ADARB2: variants seen among roughly 807,000 people sequenced by gnomAD.
The protein encoded by ADARB2 is inactive double-stranded RNA-specific editase B2.
ADARB2 carries 25 observed loss-of-function variants against 62.2 expected under a neutral mutation model. The ratio of observed to expected loss-of-function variants is 0.40; its 90% confidence interval spans 0.29 to 0.56. ADARB2 has a LOEUF of 0.56. ADARB2 is among the 20% of genes least tolerant of loss of function. ADARB2 has a pLI of 0.43. For missense variants in ADARB2, 1,071 were observed against 1,077.4 expected (o/e 0.99, Z 0.08); for synonymous variants, 572 against 500.8 (o/e 1.14, Z -1.90).
At chr10:1,292,487 GTA>G (rs1442565689) in intron 3 of ADARB2, 1 of 152,148 alleles carries the variant, frequency 6.6e-6, no homozygotes, top group Non-Finnish European at 1.5e-5. Context: ...TAGACACTCA[GTA>G]TATCTTTTCC....
intron 1 of ADARB2, among the ~76,000 whole-genome samples, chr10:1,633,179 G>T (rs1833864123): frequency 1.3e-5 from 2 of 152,112 alleles, no homozygotes; most frequent in African/African-American, 4.8e-5. Flanking sequence ...GAGCCCTTTG[G>T]GCTTGGACTG....
chr10:1,377,208 G>A (rs111217816), intron 2 of ADARB2, among the ~76,000 whole-genome samples: 33,325 of 120,960 alleles, frequency 0.28, 5,280 homozygotes, highest in Middle Eastern at 0.44. Flanking sequence ...GGGTGTGTGC[G>A]TTTGTGTGCG....
intron 4 of ADARB2, among the ~76,000 whole-genome samples, chr10:1,249,115 G>C (rs1158009628): frequency 1.3e-5 from 2 of 152,170 alleles, no homozygotes; most frequent in African/African-American, 4.8e-5. Context: ...TGCAACATGG[G>C]CTTATTTCTG....
chr10:1,631,581 C>T (rs1260165570), intron 1 of ADARB2, among the ~76,000 whole-genome samples: 1 of 152,196 alleles, frequency 6.6e-6, no homozygotes, highest in African/African-American at 2.4e-5. Context: ...TGCTAGGTCA[C>T]CCTTTGAACG....
chr10:1,473,241 C>G (rs558642619), intron 1 of ADARB2, among the ~76,000 whole-genome samples: 1 of 152,222 alleles, frequency 6.6e-6, no homozygotes, highest in Non-Finnish European at 1.5e-5. Flanking sequence ...AAACTTGCCT[C>G]GGTCTCTTCT....
chr10:1,238,617 G>C (rs1434619404), intron 5 of ADARB2, among the ~76,000 whole-genome samples: 58 of 878 alleles, frequency 0.066, 7 homozygotes, highest in African/African-American at 0.09. Flanking sequence ...ACTCCCCTCT[G>C]CCTCCCGGTG....
chr10:1,335,562 G>A (rs1439371168), intron 3 of ADARB2, among the ~76,000 whole-genome samples: 2 of 152,020 alleles, frequency 1.3e-5, no homozygotes, highest in African/African-American at 2.4e-5. Flanking sequence ...GAGAGGGGTG[G>A]AAAGATGGAT....
At chr10:1,196,354 C>A (rs1829179090) in intron 8 of ADARB2, among the ~76,000 whole-genome samples, 1 of 151,390 alleles carries the variant, frequency 6.6e-6, no homozygotes, top group Admixed American at 6.6e-5. Context: ...CTTTGTAAAT[C>A]ATCAATACAC....
chr10:1,263,195 T>G (rs1254613541), intron 4 of ADARB2, among the ~76,000 whole-genome samples: 2 of 151,836 alleles, frequency 1.3e-5, no homozygotes, highest in African/African-American at 4.8e-5. Context: ...GATGAGTTAC[T>G]GGGTGCAGCA....
At chr10:1,560,908 A>T (rs1275061244) in intron 1 of ADARB2, among the ~76,000 whole-genome samples, 2 of 152,158 alleles carry the variant, frequency 1.3e-5, no homozygotes, top group Non-Finnish European at 2.9e-5. Flanking sequence ...GTCTTGCCAA[A>T]ATGCAGGGCA....
intron 4 of ADARB2, among the ~76,000 whole-genome samples, chr10:1,259,919 G>T (rs545911877): frequency 1.3e-5 from 2 of 152,114 alleles, no homozygotes; most frequent in Non-Finnish European, 2.9e-5. Context: ...TGGGCAAACC[G>T]AATCCAGCAA....
chr10:1,672,705 C>T (rs566496609), intron 1 of ADARB2, among the ~76,000 whole-genome samples: 5 of 114,612 alleles, frequency 4.4e-5, no homozygotes, highest in East Asian at 6.6e-4. Context: ...CCTTCCAGGC[C>T]CCCCGCCTGC....
At chr10:1,348,046 G>C (rs1832097123) in intron 3 of ADARB2, among the ~76,000 whole-genome samples, 3 of 151,908 alleles carry the variant, frequency 2.0e-5, no homozygotes, top group Admixed American at 2.0e-4. Context: ...AGAGACAGAA[G>C]AGGGAGACAG....
rs765129282 is a variant in ADARB2, at chr10:1,363,784, C to G, written c.321G>C (p.Gly107=). 6.2e-7 allele frequency: 1 copy of G among 1,600,534 alleles called. No homozygotes were observed. Among genetic ancestry groups the G allele is most frequent in the Non-Finnish European group, 8.5e-7 (1 of 1,179,104 alleles). The change falls in exon 3 of 10, where the codon GGG becomes GGC. Residue 107 remains glycine (G), a synonymous_variant. Coordinates refer to ENST00000381312, the MANE Select transcript of ADARB2 (RefSeq NM_018702.4). The part of the protein sequence containing the change: ...KRKRPLEEGN[G]GHLCKLQLVW... Reference sequence around the variant, plus strand: ...CCAGCTGCAGTTTGCACAAGTGGCCCCCATTCCCCTCCTCCAGCGGCCGCT... The same window carrying G: ...CCAGCTGCAGTTTGCACAAGTGGCCGCCATTCCCCTCCTCCAGCGGCCGCT...
At chr10:1,695,738 G>C (rs888656851) in intron 1 of ADARB2, among the ~76,000 whole-genome samples, 1 of 152,172 alleles carries the variant, frequency 6.6e-6, no homozygotes, top group Non-Finnish European at 1.5e-5. Context: ...CCATGCATGT[G>C]TATGTATACA....
intron 1 of ADARB2, among the ~76,000 whole-genome samples, chr10:1,690,900 C>T (rs780974278): frequency 2.6e-5 from 4 of 152,160 alleles, no homozygotes; most frequent in South Asian, 2.1e-4. Context: ...CATCAAAACG[C>T]GCATCTATCC....
chr10:1,500,916 C>T (rs2131938145), intron 1 of ADARB2, among the ~76,000 whole-genome samples: 1 of 152,202 alleles, frequency 6.6e-6, no homozygotes, highest in African/African-American at 2.4e-5. Flanking sequence ...GCTCTGTCTC[C>T]CAGCCTGGAG....
chr10:1,352,182 A>G (rs1166892661), intron 3 of ADARB2, among the ~76,000 whole-genome samples: 1 of 151,874 alleles, frequency 6.6e-6, no homozygotes, highest in African/African-American at 2.4e-5. Flanking sequence ...TCTCATAAAA[A>G]CACACGTGCT....
At chr10:1,487,534 T>C (rs1831559844) in intron 1 of ADARB2, among the ~76,000 whole-genome samples, 1 of 152,128 alleles carries the variant, frequency 6.6e-6, no homozygotes, top group Admixed American at 6.5e-5. Context: ...TGGGCGAAGC[T>C]ATAGCCTCAC....
Sources: gnomAD v4.1 joint callset for allele counts (sites outside exome capture counted in the v4.1 genomes callset) on GRCh38, gnomAD v4.1.1 for gene constraint, MANE v1.5 for transcripts, NCBI Gene and HGNC (gene_info 2026-07-23, HGNC 2026-07-21) for gene names.